SNTB2: variants seen among roughly 807,000 people sequenced by gnomAD.
SNTB2 encodes beta-2-syntrophin.
In SNTB2, 34 loss-of-function variants were observed where a neutral mutation model predicts 46.2. That is an observed-to-expected ratio of 0.74 (90% CI 0.56 to 0.98). SNTB2 has a LOEUF of 0.98. Among genes scored for constraint, SNTB2 ranks in the 50% least tolerant of loss-of-function variants. The probability of loss-of-function intolerance (pLI) is 0.00; values close to 1 mark genes in which losing one functional copy is unlikely to be tolerated. For missense variants in SNTB2, 603 were observed against 731.4 expected (o/e 0.82, Z 2.02); for synonymous variants, 290 against 312.6 (o/e 0.93, Z 0.76).
At chr16:69,283,774 G>A (rs575999710) in intron 4 of SNTB2, among the ~76,000 whole-genome samples, 22 of 152,184 alleles carry the variant, frequency 1.4e-4, no homozygotes, top group South Asian at 8.3e-4. Context: ...AGATGCTCAC[G>A]CCTGTAATCC....
chr16:69,215,370 G>A (rs1018004449), intron 1 of SNTB2, among the ~76,000 whole-genome samples: 5 of 152,116 alleles, frequency 3.3e-5, no homozygotes, highest in Admixed American at 6.6e-5. Flanking sequence ...TTCAGCCTAA[G>A]TGACAAAGAT....
chr16:69,284,639 C>T (rs188994208), intron 5 of SNTB2, among the ~76,000 whole-genome samples: 1 of 152,084 alleles, frequency 6.6e-6, no homozygotes, highest in African/African-American at 2.4e-5. Context: ...CCAGGCGTGG[C>T]AGCATGTGCC....
At chr16:69,295,032 G>GCTGAT (rs1965208996) in intron 5 of SNTB2, among the ~76,000 whole-genome samples, 1 of 151,782 alleles carries the variant, frequency 6.6e-6, no homozygotes, top group African/African-American at 2.4e-5. Flanking sequence ...TGTTGCCCAG[G>GCTGAT]CTGATCTCGA....
At chr16:69,289,124 C>A (rs1965134872) in intron 5 of SNTB2, among the ~76,000 whole-genome samples, 1 of 151,966 alleles carries the variant, frequency 6.6e-6, no homozygotes, top group Non-Finnish European at 1.5e-5. Flanking sequence ...ACAAAATTAG[C>A]CAGGTGTGGT....
At chr16:69,229,473 AT>A (rs546123559) in intron 1 of SNTB2, among the ~76,000 whole-genome samples, 4,883 of 131,014 alleles carry the variant, frequency 0.037, 82 homozygotes, top group African/African-American at 0.062. Flanking sequence ...GCCTGCCTGA[AT>A]TTTTTTTTTT....
At chr16:69,281,812 C>T (rs1168329337) in intron 4 of SNTB2, among the ~76,000 whole-genome samples, 1 of 150,936 alleles carries the variant, frequency 6.6e-6, no homozygotes, top group Non-Finnish European at 1.5e-5. Flanking sequence ...CATTGTGCTC[C>T]AGCCTGGGCG....
chr16:69,255,878 A>C (rs759195607), intron 2 of SNTB2, among the ~76,000 whole-genome samples: 1 of 122,096 alleles, frequency 8.2e-6, no homozygotes, highest in African/African-American at 3.1e-5. Context: ...ACTCTGTCTC[A>C]AAAAAAAAAA....
chr16:69,255,375 C>G (rs1327488743), intron 2 of SNTB2, among the ~76,000 whole-genome samples: 1 of 151,962 alleles, frequency 6.6e-6, no homozygotes. Context: ...ATCTGGCTAA[C>G]ATGGTGAAAC....
In SNTB2 at chr16:69,187,688, C is replaced by T; in HGVS notation, c.522C>T (p.Ala174=). The part of the protein sequence containing the change: ...LSVNGTDLRQ[A]THDQAVQALK... ...TGAACGGCACCGACCTGCGCCAGGC[C>T]ACCCACGACCAGGCCGTGCAGGCGC... Residue 174 remains alanine (A), a synonymous_variant, in exon 1 of 7, where the codon GCC becomes GCT. Coordinates refer to ENST00000336278, the MANE Select transcript of SNTB2 (RefSeq NM_006750.4). 6.5e-7 allele frequency: 1 copy of T among 1,546,542 alleles called. No homozygotes were observed.
intron 1 of SNTB2, among the ~76,000 whole-genome samples, chr16:69,213,144 G>T (rs911729585): frequency 6.6e-6 from 1 of 151,822 alleles, no homozygotes; most frequent in African/African-American, 2.4e-5. Flanking sequence ...GAGTAATAAC[G>T]TGCCCATTTT....
At chr16:69,232,575 C>T (rs1964518453) in intron 1 of SNTB2, among the ~76,000 whole-genome samples, 2 of 139,476 alleles carry the variant, frequency 1.4e-5, no homozygotes, top group Non-Finnish European at 3.1e-5. Context: ...GCAGTGGCCC[C>T]ATCTTGGCTC....
chr16:69,248,935 T>C (rs1377088989), intron 2 of SNTB2, among the ~76,000 whole-genome samples: 2 of 147,724 alleles, frequency 1.4e-5, no homozygotes, highest in Non-Finnish European at 3.0e-5. Flanking sequence ...AACGATGTGA[T>C]AAAGAGGAAC....
At position 69,187,542 on chromosome 16, in the gene SNTB2, C is replaced by T. The variant is rs1454960733; in HGVS notation, c.376C>T (p.Leu126=). 2.8e-6 allele frequency: 4 copies of T among 1,427,382 alleles called. No homozygotes were observed. The highest frequency in any genetic ancestry group is 3.0e-5 in the South Asian group (2 of 67,758). The allele number at this position is 1,427,382 out of a possible 1,614,324, so 88.4% of individuals were successfully genotyped here. The part of the protein sequence containing the change: ...VRVVKQEAGG[L]GISIKGGREN... ...GGTGGTGAAGCAAGAGGCGGGCGGC[C>T]TGGGCATCAGCATCAAGGGCGGCCG... The change falls in exon 1 of 7, where the codon CTG becomes TTG. Residue 126 remains leucine (L), a synonymous_variant. Coordinates refer to ENST00000336278, the MANE Select transcript of SNTB2 (RefSeq NM_006750.4).
At chr16:69,216,326 G>A (rs1160499536) in intron 1 of SNTB2, among the ~76,000 whole-genome samples, 1 of 152,094 alleles carries the variant, frequency 6.6e-6, no homozygotes, top group Non-Finnish European at 1.5e-5. Context: ...TTTTTCACAA[G>A]TTAATTCACT....
chr16:69,274,705 T>C (rs919299254), intron 4 of SNTB2, among the ~76,000 whole-genome samples: 1 of 150,458 alleles, frequency 6.6e-6, no homozygotes, highest in African/African-American at 2.4e-5. Context: ...GGCACGTGCC[T>C]GTAATCCCAG....
intron 1 of SNTB2, among the ~76,000 whole-genome samples, chr16:69,212,880 G>A (rs908397980): frequency 4.3e-5 from 6 of 139,376 alleles, no homozygotes; most frequent in African/African-American, 1.1e-4. Context: ...TGATCTGCCC[G>A]CCTCGGCCTC....
intron 1 of SNTB2, among the ~76,000 whole-genome samples, chr16:69,207,681 A>G (rs951730704): frequency 6.6e-6 from 1 of 152,230 alleles, no homozygotes; most frequent in African/African-American, 2.4e-5. Context: ...TTTTGTTAGC[A>G]GTGCCCAGAT....
chr16:69,294,048 G>A (rs994155654), intron 5 of SNTB2, among the ~76,000 whole-genome samples: 4 of 152,112 alleles, frequency 2.6e-5, no homozygotes, highest in Admixed American at 6.6e-5. Flanking sequence ...TGTTTTTAGA[G>A]AGACAGTCTC....
In SNTB2 at chr16:69,292,403, TATATTATATATATATTA is replaced by T. The variant is rs1965176691; in HGVS notation, c.1346-7186_1346-7170del. ...ATTATATATATATTATATATATATA[TATATTATATATATATTA>T]TATATATATATATATTATATATATA... On this transcript the variant is annotated intron_variant, in intron 5 of 6. Coordinates refer to ENST00000336278, the MANE Select transcript of SNTB2 (RefSeq NM_006750.4). 1.5e-4 allele frequency among the ~76,000 whole-genome samples: 4 copies of T among 27,372 alleles called. 1 individual carries two copies. Among genetic ancestry groups the T allele is most frequent in the African/African-American group, 1.4e-3 (4 of 2,798 alleles). 18.0% of individuals were successfully genotyped at this position (27,372 alleles called of 152,430 possible).
Sources: gnomAD v4.1 joint callset for allele counts (sites outside exome capture counted in the v4.1 genomes callset) on GRCh38, gnomAD v4.1.1 for gene constraint, MANE v1.5 for transcripts, NCBI Gene and HGNC (gene_info 2026-07-23, HGNC 2026-07-21) for gene names.